The following PPHLN1 variants were observed in gnomAD, a reference collection of about 807,000 sequenced individuals.
PPHLN1 encodes periphilin-1.
PPHLN1 carries 29 observed loss-of-function variants against 51.3 expected under a neutral mutation model. The ratio of observed to expected loss-of-function variants is 0.57; its 90% confidence interval spans 0.42 to 0.77. The LOEUF is 0.77. PPHLN1 is among the 30% of genes least tolerant of loss of function. The probability of loss-of-function intolerance (pLI) is 0.00; values close to 1 mark genes in which losing one functional copy is unlikely to be tolerated. For synonymous variants in PPHLN1, 147 were observed against 147.8 expected (o/e 0.99, Z 0.04); for missense variants, 436 against 438.4 (o/e 0.99, Z 0.05).
At chr12:42,403,122 G>T (rs2078984844) in intron 9 of PPHLN1, among the ~76,000 whole-genome samples, 1 of 152,154 alleles carries the variant, frequency 6.6e-6, no homozygotes, top group South Asian at 2.1e-4. Flanking sequence ...GTAGGTTCAA[G>T]ATCTAAGCAT....
intron 5 of PPHLN1, among the ~76,000 whole-genome samples, chr12:42,377,102 C>A (rs1272514453): frequency 1.5e-5 from 2 of 133,190 alleles, no homozygotes; most frequent in African/African-American, 6.4e-5. Flanking sequence ...GGCTTTTTTG[C>A]GATTTTTTTT....
At chr12:42,337,020 C>T (rs934068130) in intron 2 of PPHLN1, among the ~76,000 whole-genome samples, 1 of 152,114 alleles carries the variant, frequency 6.6e-6, no homozygotes, top group Non-Finnish European at 1.5e-5. Flanking sequence ...TAAAGATGCC[C>T]ATTATACTTC....
chr12:42,340,508 G>C (rs945601749), intron 2 of PPHLN1, among the ~76,000 whole-genome samples: 3 of 152,034 alleles, frequency 2.0e-5, no homozygotes, highest in South Asian at 2.1e-4. Context: ...AGAATCAATG[G>C]GCTACTGCCA....
chr12:42,327,488 T>C (rs1390313618), intron 1 of PPHLN1, among the ~76,000 whole-genome samples: 1 of 152,210 alleles, frequency 6.6e-6, no homozygotes, highest in African/African-American at 2.4e-5. Flanking sequence ...CTCTTTTCTC[T>C]CTCTGGGACA....
chr12:42,374,175 T>G (rs891546467), intron 4 of PPHLN1, among the ~76,000 whole-genome samples: 3 of 152,202 alleles, frequency 2.0e-5, no homozygotes, highest in Admixed American at 1.3e-4. Context: ...TGGGAAATCT[T>G]TGGCATTTCT....
chr12:42,362,215 T>C (rs1467877213), intron 4 of PPHLN1, among the ~76,000 whole-genome samples: 1 of 152,208 alleles, frequency 6.6e-6, no homozygotes, highest in Non-Finnish European at 1.5e-5. Flanking sequence ...TTTGAGTTTT[T>C]TGATTTTTTT....
rs2079297428 is a variant in PPHLN1 at position 42,406,265 on chromosome 12, A to G, written c.909+7271A>G. ...TGCCCGGCTAATTTTTTGTATTTTT[A>G]GTAGAGATGGGGTTTCCCGTTAGCT... On this transcript the variant is annotated intron_variant, in intron 9 of 9. Coordinates refer to ENST00000358314, the MANE Select transcript of PPHLN1 (RefSeq NM_201439.2). 2.0e-5 allele frequency among the ~76,000 whole-genome samples: 3 copies of G among 152,104 alleles called. No individual in the cohort carries two copies. The South Asian group carries it at 6.2e-4, about 32-fold the overall frequency.
At chr12:42,381,214 A>G (rs994839626) in intron 5 of PPHLN1, among the ~76,000 whole-genome samples, 1 of 152,216 alleles carries the variant, frequency 6.6e-6, no homozygotes, top group African/African-American at 2.4e-5. Flanking sequence ...GTTTACTCAC[A>G]AGAGAGCTTT....
rs184940800 is a variant in PPHLN1, at chr12:42,360,564, C to T, written c.299+5342C>T. Among the ~76,000 whole-genome samples the T allele has an allele frequency of 2.7e-3, 377 of 141,654 alleles. 1 individual carries two copies. Among genetic ancestry groups the T allele is most frequent in the African/African-American group, 9.3e-3 (357 of 38,306 alleles). 92.9% of individuals were successfully genotyped at this position (141,654 alleles called of 152,430 possible). On this transcript the variant is annotated intron_variant, in intron 4 of 9. Transcript: ENST00000358314. ...AGGCTGGAGCGCAATGGTGTGGTCT[C>T]GGCTCACTGCAACCTCTGCCTCCCA...
At chr12:42,429,814 A>G (rs545335894) in intron 9 of PPHLN1, among the ~76,000 whole-genome samples, 1 of 152,342 alleles carries the variant, frequency 6.6e-6, no homozygotes, top group South Asian at 2.1e-4. Context: ...CTCATCCTCC[A>G]GGGTCAAAGC....
intron 4 of PPHLN1, among the ~76,000 whole-genome samples, chr12:42,368,922 C>G (rs1035125026): frequency 6.6e-6 from 1 of 152,114 alleles, no homozygotes; most frequent in African/African-American, 2.4e-5. Flanking sequence ...TGTAGGTAGC[C>G]TCTTTCTTCT....
intron 9 of PPHLN1, among the ~76,000 whole-genome samples, chr12:42,405,508 G>A (rs945059891): frequency 2.0e-5 from 3 of 152,238 alleles, no homozygotes; most frequent in African/African-American, 7.2e-5. Flanking sequence ...ATTGTCTAAT[G>A]TCTGGTTTAT....
chr12:42,352,776 C>T lies in PPHLN1; in HGVS notation c.237+727C>T, dbSNP rs186906024. 1.1e-3 allele frequency among the ~76,000 whole-genome samples: 165 copies of T among 152,188 alleles called. 1 individual carries two copies. Among genetic ancestry groups the T allele is most frequent in the Non-Finnish European group, 2.2e-3 (148 of 68,000 alleles). ...TGAGATTAGAAAGCACTCAAAACAT[C>T]GTCATAGGAAGCAATTTAAAAATGT... On this transcript the variant is annotated intron_variant, in intron 3 of 9. Coordinates refer to ENST00000358314, the MANE Select transcript of PPHLN1 (RefSeq NM_201439.2).
At chr12:42,428,570 G>A (rs1271817478) in intron 9 of PPHLN1, among the ~76,000 whole-genome samples, 1 of 152,074 alleles carries the variant, frequency 6.6e-6, no homozygotes, top group Non-Finnish European at 1.5e-5. Flanking sequence ...AGCTATGTGG[G>A]GTGCAAAGGC....
At chr12:42,425,370 C>T (rs1294513167) in intron 9 of PPHLN1, among the ~76,000 whole-genome samples, 2 of 149,092 alleles carry the variant, frequency 1.3e-5, no homozygotes, top group African/African-American at 5.0e-5. Context: ...GGATTACAGG[C>T]GTGAGCCACT....
intron 1 of PPHLN1, among the ~76,000 whole-genome samples, chr12:42,332,031 A>T (rs2069824769): frequency 6.6e-6 from 1 of 152,156 alleles, no homozygotes. Flanking sequence ...CAACATAGTA[A>T]GACCATGACT....
chr12:42,390,123 C>A (rs936747269), intron 7 of PPHLN1, among the ~76,000 whole-genome samples: 2 of 152,038 alleles, frequency 1.3e-5, no homozygotes, highest in Non-Finnish European at 2.9e-5. Context: ...TACTTTTTGG[C>A]TTTTTAGGAA....
intron 9 of PPHLN1, among the ~76,000 whole-genome samples, chr12:42,409,959 C>G (rs890749643): frequency 6.6e-6 from 1 of 152,026 alleles, no homozygotes; most frequent in Non-Finnish European, 1.5e-5. Flanking sequence ...AGTTTCAGAT[C>G]ATATGAAGTC....
chr12:42,342,189 A>G (rs2071611858), intron 2 of PPHLN1, among the ~76,000 whole-genome samples: 1 of 152,222 alleles, frequency 6.6e-6, no homozygotes, highest in African/African-American at 2.4e-5. Flanking sequence ...GAGCTTAGTT[A>G]TCTGATTTCT....
Sources: gnomAD v4.1 joint callset for allele counts (sites outside exome capture counted in the v4.1 genomes callset) on GRCh38, gnomAD v4.1.1 for gene constraint, MANE v1.5 for transcripts, NCBI Gene and HGNC (gene_info 2026-07-23, HGNC 2026-07-21) for gene names.